The following MSH3 variants were observed in gnomAD, a reference collection of about 807,000 sequenced individuals.
MSH3 encodes DNA mismatch repair protein Msh3.
A neutral mutation model predicts 123.3 loss-of-function variants in MSH3; 106 were observed. That is an observed-to-expected ratio of 0.86 (90% CI 0.73 to 1.01). The LOEUF (loss-of-function observed/expected upper bound fraction) is 1.01, where lower values mean the gene tolerates loss of function less well. Ranked by LOEUF, MSH3 falls within the 50% of genes least tolerant of loss-of-function variation. The pLI is 0.00. For missense variants in MSH3, 1,459 were observed against 1,347.6 expected (o/e 1.08, Z -1.29); for synonymous variants, 515 against 481.4 (o/e 1.07, Z -0.91).
At chr5:80,850,917 C>T (rs1278325518) in intron 20 of MSH3, among the ~76,000 whole-genome samples, 1 of 152,154 alleles carries the variant, frequency 6.6e-6, no homozygotes, top group African/African-American at 2.4e-5. Context: ...ATTATAATAG[C>T]AAGGATGAAT....
chr5:80,847,419 A>AT lies in MSH3; in HGVS notation c.2814-6704dup, dbSNP rs5869057. On this transcript the variant is annotated intron_variant, in intron 20 of 23. Transcript: ENST00000265081. ...TTTCATGTAGGGCTCTTGGTGGCAA[A>AT]TTTTTTTAGTTTTAGAAAGCCTCAA... Among the ~76,000 whole-genome samples, 6 of 150,982 alleles carry AT rather than the reference A, an allele frequency of 4.0e-5. No individual in the cohort carries two copies. The East Asian group carries it at 1.2e-3, about 30-fold the overall frequency.
intron 8 of MSH3, among the ~76,000 whole-genome samples, chr5:80,720,862 T>C (rs1751066133): frequency 6.6e-6 from 1 of 152,224 alleles, no homozygotes; most frequent in Non-Finnish European, 1.5e-5. Context: ...GTAGTGTTTT[T>C]TAACTCCAAG....
chr5:80,707,504 C>T (rs1750750428), intron 8 of MSH3, among the ~76,000 whole-genome samples: 1 of 151,974 alleles, frequency 6.6e-6, no homozygotes, highest in Admixed American at 6.6e-5. Context: ...GGGAGGACTG[C>T]TTGAGCCCAG....
At chr5:80,814,328 A>G (rs999368063) in intron 20 of MSH3, among the ~76,000 whole-genome samples, 9 of 152,146 alleles carry the variant, frequency 5.9e-5, no homozygotes, top group South Asian at 4.1e-4. Flanking sequence ...CCAGAGTGCA[A>G]TGGCACTATC....
rs889997385 is a variant in MSH3, at chr5:80,674,969, T to G, written c.1028-14T>G. ...GAATTTAGCATATAATTATTTTTCT[T>G]TAATTATTATTAAATGTGAATCCCC... is the stretch of plus-strand genomic sequence containing the variant. On this transcript the variant is annotated splice_polypyrimidine_tract_variant and intron_variant, in intron 6 of 23. Coordinates refer to ENST00000265081, the MANE Select transcript of MSH3 (RefSeq NM_002439.5). The G allele has an allele frequency of 2.6e-6, 4 of 1,546,948 alleles. No individual in the cohort carries two copies. Among genetic ancestry groups the G allele is most frequent in the Non-Finnish European group, 3.5e-6 (4 of 1,131,354 alleles).
At chr5:80,799,385 A>T (rs1485174936) in intron 19 of MSH3, among the ~76,000 whole-genome samples, 2 of 152,032 alleles carry the variant, frequency 1.3e-5, no homozygotes, top group African/African-American at 4.8e-5. Context: ...GAGGAATAAA[A>T]CACTTTGAAA....
At chr5:80,793,616 G>A (rs1744646221) in intron 19 of MSH3, among the ~76,000 whole-genome samples, 1 of 152,128 alleles carries the variant, frequency 6.6e-6, no homozygotes, top group African/African-American at 2.4e-5. Flanking sequence ...CCAGGTAGAA[G>A]AACCAGCATG....
intron 2 of MSH3, among the ~76,000 whole-genome samples, chr5:80,657,036 A>ATT (rs1561431072): frequency 9.8e-6 from 1 of 101,770 alleles, no homozygotes; most frequent in Non-Finnish European, 2.2e-5. Flanking sequence ...ATCTTTTTCT[A>ATT]CTTAATAGAA....
chr5:80,697,883 T>C (rs1395759788), intron 8 of MSH3, among the ~76,000 whole-genome samples: 1 of 152,330 alleles, frequency 6.6e-6, no homozygotes, highest in African/African-American at 2.4e-5. Context: ...GAAATTCTAA[T>C]TGATTTTTTT....
In MSH3 at chr5:80,813,625, G is replaced by T. The variant is rs1745047109; in HGVS notation, c.2697G>T (p.Met899Ile). The T allele has an allele frequency of 6.2e-7, 1 of 1,614,114 alleles. No homozygotes were observed. The highest frequency in any genetic ancestry group is 8.5e-7 in the Non-Finnish European group (1 of 1,180,004). The change falls in exon 20 of 24, where the codon ATG becomes ATT. Residue 899 changes from methionine (M) to isoleucine (I), a missense_variant. Met to Ile is a conservative substitution (Grantham distance 10). Coordinates refer to ENST00000265081, the MANE Select transcript of MSH3 (RefSeq NM_002439.5). ...ERVMIITGPN[M>I]GGKSSYIKQV... is the part of the protein sequence containing the mutation. ...TAATGATAATTACCGGACCAAACAT[G>T]GGTGGAAAGAGCTCCTACATAAAAC... is the stretch of plus-strand genomic sequence containing the variant.
intron 13 of MSH3, 120 bp downstream of exon 13, chr5:80,761,798 C>T (rs1744040741): frequency 2.7e-6 from 3 of 1,095,550 alleles, no homozygotes; most frequent in Non-Finnish European, 4.0e-6. Context: ...TTACAAATAG[C>T]ATGCGAGAGT....
intron 12 of MSH3, among the ~76,000 whole-genome samples, chr5:80,749,999 A>G (rs1406369879): frequency 1.3e-5 from 2 of 149,880 alleles, no homozygotes; most frequent in African/African-American, 4.9e-5. Flanking sequence ...TTCACTTTGC[A>G]TTATGTCCTC....
intron 8 of MSH3, among the ~76,000 whole-genome samples, chr5:80,681,199 T>C (rs575574614): frequency 2.6e-5 from 4 of 152,186 alleles, no homozygotes; most frequent in Non-Finnish European, 5.9e-5. Flanking sequence ...CTTAATCCTT[T>C]TCTGACCATG....
chr5:80,658,001 A>G (rs1580541815), intron 2 of MSH3, among the ~76,000 whole-genome samples: 2 of 136,534 alleles, frequency 1.5e-5, no homozygotes, highest in African/African-American at 2.8e-5. Context: ...GGCTTTTTGT[A>G]GCTCATTTAT....
rs756398802 is a variant in MSH3, at chr5:80,823,004, G to A, written c.2813+9263G>A. On this transcript the variant is annotated intron_variant, in intron 20 of 23. Transcript: ENST00000265081. Reference sequence around the variant, plus strand: ...AACATACTAGTTTTTTAGCTACTTCGGGATATATTTTGCAGTGACTTGGTC... The same window carrying A: ...AACATACTAGTTTTTTAGCTACTTCAGGATATATTTTGCAGTGACTTGGTC... 9.9e-5 allele frequency among the ~76,000 whole-genome samples: 15 copies of A among 152,244 alleles called. No individual in the cohort carries two copies. The South Asian group carries it at 1.7e-3, about 17-fold the overall frequency.
At position 80,763,234 on chromosome 5, in the gene MSH3, A is replaced by T. The variant is rs1015775476; in HGVS notation, c.1896+1556A>T. On this transcript the variant is annotated intron_variant, in intron 13 of 23. Transcript: ENST00000265081. ...TTTACCCCCACAGAGTTTTACTAGA[A>T]TGATAAGTACTGCTTCTAAGAATAC... Among the ~76,000 whole-genome samples the T allele has an allele frequency of 9.8e-5, 15 of 152,348 alleles. No homozygotes were observed. The South Asian group carries it at 2.9e-3, about 29-fold the overall frequency.
chr5:80,678,861 CTG>C (rs1305333823), intron 7 of MSH3, 64 bp from the exon 8 acceptor site: 6 of 1,550,534 alleles, frequency 3.9e-6, no homozygotes, highest in Non-Finnish European at 5.3e-6. Context: ...CATGTTTATG[CTG>C]TGTTATAGCC....
intron 8 of MSH3, among the ~76,000 whole-genome samples, chr5:80,722,818 A>T (rs888460557): frequency 1.3e-5 from 2 of 152,194 alleles, no homozygotes; most frequent in African/African-American, 4.8e-5. Context: ...TAAAATACCA[A>T]TAAGGGCTGG....
At chr5:80,748,198 C>T (rs1743756146) in intron 12 of MSH3, among the ~76,000 whole-genome samples, 2 of 152,138 alleles carry the variant, frequency 1.3e-5, no homozygotes, top group Admixed American at 6.6e-5. Flanking sequence ...TCTCCTAAAT[C>T]CCTTAAGCTC....
Sources: gnomAD v4.1 joint callset for allele counts (sites outside exome capture counted in the v4.1 genomes callset) on GRCh38, gnomAD v4.1.1 for gene constraint, MANE v1.5 for transcripts, NCBI Gene and HGNC (gene_info 2026-07-23, HGNC 2026-07-21) for gene names.